NEXN: variants seen among roughly 807,000 people sequenced by gnomAD.
The protein encoded by NEXN is nexilin F-actin binding protein, also known as nexilin.
In NEXN, 65 loss-of-function variants were observed where a neutral mutation model predicts 92.6. That is an observed-to-expected ratio of 0.70 (90% CI 0.57 to 0.86). The LOEUF is 0.86. NEXN is among the 40% of genes least tolerant of loss of function. The pLI is 0.00. For synonymous variants in NEXN, 254 were observed against 242.5 expected (o/e 1.05, Z -0.44); for missense variants, 778 against 771.1 (o/e 1.01, Z -0.11).
In NEXN at chr1:77,934,640, TCTG is replaced by T. The variant is rs548054015; in HGVS notation, c.1251+1166_1251+1168del. Reference sequence around the variant, plus strand: ...GCCTAACCTTCTTCCCTCTTCGGACTCTGCTGCCATCCCTCTGGGTGGCCCAGG... The same window carrying T: ...GCCTAACCTTCTTCCCTCTTCGGACTCTGCCATCCCTCTGGGTGGCCCAGG... On this transcript the variant is annotated intron_variant, in intron 10 of 12. Coordinates refer to ENST00000334785, the MANE Select transcript of NEXN (RefSeq NM_144573.4). Among the ~76,000 whole-genome samples the T allele has an allele frequency of 3.6e-3, 550 of 152,338 alleles. 1 individual carries two copies. Among genetic ancestry groups the T allele is most frequent in the Non-Finnish European group, 6.9e-3 (466 of 68,024 alleles).
intron 11 of NEXN, among the ~76,000 whole-genome samples, chr1:77,937,248 G>A (rs1183361457): frequency 1.3e-5 from 2 of 152,120 alleles, no homozygotes; most frequent in African/African-American, 2.4e-5. Flanking sequence ...AGGCTGCGGT[G>A]AACTGTGATT....
intron 1 of NEXN, among the ~76,000 whole-genome samples, chr1:77,893,729 C>G (rs1472139413): frequency 1.3e-5 from 2 of 152,050 alleles, no homozygotes; most frequent in Non-Finnish European, 2.9e-5. Flanking sequence ...GGATATACTT[C>G]GAAAAGTATC....
intron 1 of NEXN, 149 bp from the exon 2 acceptor site, chr1:77,915,906 A>G: frequency 4.5e-6 from 1 of 219,792 alleles, no homozygotes; most frequent in Non-Finnish European, 9.1e-6. Context: ...GAATCTTGGG[A>G]AAAAGAGCTA....
chr1:77,938,264 C>A (rs1321447202), intron 11 of NEXN, among the ~76,000 whole-genome samples: 1 of 152,152 alleles, frequency 6.6e-6, no homozygotes, highest in East Asian at 1.9e-4. Flanking sequence ...AACACCATTT[C>A]TATTTTTTAA....
At chr1:77,934,004 A>AATTT (rs1289566597) in intron 10 of NEXN, among the ~76,000 whole-genome samples, 16 of 83,144 alleles carry the variant, frequency 1.9e-4, no homozygotes, top group African/African-American at 9.0e-4. Flanking sequence ...TGTCTGGCTA[A>AATTT]TTTTTAATTT....
intron 6 of NEXN, among the ~76,000 whole-genome samples, chr1:77,925,945 C>T (rs1272841782): frequency 6.6e-6 from 1 of 151,834 alleles, no homozygotes; most frequent in Non-Finnish European, 1.5e-5. Context: ...TTTAATAAAT[C>T]ACTTGGAAAT....
intron 1 of NEXN, among the ~76,000 whole-genome samples, chr1:77,903,242 G>A (rs982407452): frequency 6.6e-6 from 1 of 151,676 alleles, no homozygotes; most frequent in Non-Finnish European, 1.5e-5. Context: ...AAAAAAGAGA[G>A]AAATCAGAAC....
At chr1:77,909,975 C>G (rs1648433385) in intron 1 of NEXN, among the ~76,000 whole-genome samples, 1 of 151,958 alleles carries the variant, frequency 6.6e-6, no homozygotes, top group South Asian at 2.1e-4. Flanking sequence ...TTGATTCCAG[C>G]AATATATTAA....
chr1:77,907,252 T>C lies in NEXN; in HGVS notation c.-52-8803T>C, dbSNP rs1372338094. ...ACCTTTATCCTTGTGTTAACACAGA[T>C]AGGTAAATGAGTTAGCAACTGAAAT... On this transcript the variant is annotated intron_variant, in intron 1 of 12. Coordinates refer to ENST00000334785, the MANE Select transcript of NEXN (RefSeq NM_144573.4). Among the ~76,000 whole-genome samples, 4 of 152,346 alleles carry C rather than the reference T, an allele frequency of 2.6e-5. No individual in the cohort carries two copies. The East Asian group carries it at 5.8e-4, about 22-fold the overall frequency.
chr1:77,898,392 G>C (rs1365436268), intron 1 of NEXN, among the ~76,000 whole-genome samples: 1 of 152,074 alleles, frequency 6.6e-6, no homozygotes, highest in Non-Finnish European at 1.5e-5. Flanking sequence ...ACAAACCTGA[G>C]AAAAACAAGC....
chr1:77,905,176 C>T (rs943725596), intron 1 of NEXN, among the ~76,000 whole-genome samples: 13 of 151,720 alleles, frequency 8.6e-5, no homozygotes, highest in African/African-American at 2.9e-4. Flanking sequence ...GCAGGAGAAT[C>T]GCTTGAACCC....
chr1:77,916,809 T>C (rs192657419), intron 2 of NEXN, among the ~76,000 whole-genome samples: 3 of 152,326 alleles, frequency 2.0e-5, no homozygotes, highest in African/African-American at 4.8e-5. Flanking sequence ...AATAATTTGC[T>C]CTTCTGGTTT....
At chr1:77,911,664 A>C (rs2102073708) in intron 1 of NEXN, among the ~76,000 whole-genome samples, 1 of 152,222 alleles carries the variant, frequency 6.6e-6, no homozygotes, top group Admixed American at 6.5e-5. Context: ...CCTTCAGGCT[A>C]TATGTATAAG....
chr1:77,926,691 G>A, intron 7 of NEXN, 25 bp from the exon 8 acceptor site: 1 of 1,613,734 alleles, frequency 6.2e-7, no homozygotes, highest in Non-Finnish European at 8.5e-7. Context: ...TGACTAAAAG[G>A]TGGGTTTTCA....
In NEXN at chr1:77,925,204, A is replaced by G; in HGVS notation, c.464A>G (p.Asn155Ser). 6.3e-7 allele frequency: 1 copy of G among 1,598,490 alleles called. No homozygotes were observed. The highest frequency in any genetic ancestry group is 1.3e-5 in the African/African-American group (1 of 74,780). The change falls in exon 6 of 13, where the codon AAT (asparagine) becomes AGT (serine). Residue 155 changes from asparagine to serine, a missense_variant. This residue lies in a region of NEXN where 236 missense variants were observed against 265.6 expected (regional missense o/e 0.89). Transcript: ENST00000334785. ...ATTCAATAGATTGAGGACATAAACA[A>G]TACGGGAACTGAATCAGCATCAGAG... is the stretch of plus-strand genomic sequence containing the variant. Reference protein sequence around the residue: ...KRAEQIEDINNTGTESASEEG... With the variant: ...KRAEQIEDINSTGTESASEEG...
chr1:77,902,029 AAC>A (rs1227228835), intron 1 of NEXN, among the ~76,000 whole-genome samples: 1 of 152,224 alleles, frequency 6.6e-6, no homozygotes, highest in Non-Finnish European at 1.5e-5. Context: ...TAAACTCCAT[AAC>A]AGATATTTTA....
chr1:77,933,147 G>A, intron 9 of NEXN, 135 bp from the exon 10 acceptor site: 1 of 627,500 alleles, frequency 1.6e-6, no homozygotes, highest in Non-Finnish European at 2.8e-6. Flanking sequence ...GGCAATAAGA[G>A]TGAAACTCCA....
At chr1:77,911,469 G>A (rs939676554) in intron 1 of NEXN, among the ~76,000 whole-genome samples, 10 of 152,078 alleles carry the variant, frequency 6.6e-5, no homozygotes, top group Non-Finnish European at 1.2e-4. Flanking sequence ...GCGGACACCT[G>A]TAATCCCAGC....
At chr1:77,910,748 CA>C (rs751080251) in intron 1 of NEXN, among the ~76,000 whole-genome samples, 1 of 42,878 alleles carries the variant, frequency 2.3e-5, no homozygotes. Context: ...GAGACTGTCT[CA>C]AAAAAAAAAA....
Sources: allele counts gnomAD v4.1 joint callset (sites outside exome capture counted in the v4.1 genomes callset), GRCh38; gene constraint gnomAD v4.1.1; regional missense constraint gnomAD v4.1.1; transcripts MANE v1.5; gene names NCBI Gene and HGNC (gene_info 2026-07-23, HGNC 2026-07-21).